Variants in ADCY1 observed in about 807,000 individuals in gnomAD.
The protein encoded by ADCY1 is adenylate cyclase type 1.
A neutral mutation model predicts 105.4 loss-of-function variants in ADCY1; 28 were observed. The observed-to-expected ratio is 0.27, with a 90% CI of 0.20 to 0.36. The LOEUF (loss-of-function observed/expected upper bound fraction) is 0.36. ADCY1 is among the 10% of genes least tolerant of loss of function. The pLI is 1.00. For synonymous variants in ADCY1, 655 were observed against 623.8 expected (o/e 1.05, Z -0.75); for missense variants, 977 against 1,434.2 (o/e 0.68, Z 5.15).
In ADCY1 at chr7:45,721,473, CCTCT is replaced by C; in HGVS notation, c.*7481_*7484del. The C allele has an allele frequency of 2.5e-6, 1 of 392,604 alleles. No homozygotes were observed. The highest frequency in any genetic ancestry group is 4.5e-6 in the Non-Finnish European group (1 of 222,896). 24.3% of individuals were successfully genotyped at this position (392,604 alleles called of 1,614,324 possible). The stretch of plus-strand genomic sequence containing the variant: ...GCTGTTGCCTTATTTTTTTGTAAAG[CCTCT>C]CTGACATCAAATGGGGAGAAATGGT... On this transcript the variant is annotated 3_prime_UTR_variant, in exon 20 of 20. Transcript: ENST00000297323.
chr7:45,585,847 T>A (rs1225063811), intron 1 of ADCY1, among the ~76,000 whole-genome samples: 1 of 151,868 alleles, frequency 6.6e-6, no homozygotes, highest in Non-Finnish European at 1.5e-5. Flanking sequence ...TGACTCCTTT[T>A]GGCTGGTGTC....
chr7:45,618,155 G>A (rs899600844), intron 3 of ADCY1, among the ~76,000 whole-genome samples: 4 of 152,214 alleles, frequency 2.6e-5, no homozygotes, highest in Non-Finnish European at 5.9e-5. Context: ...AATAAATGGT[G>A]CTGGGAAAAC....
chr7:45,574,797 G>C lies in ADCY1; in HGVS notation c.254G>C (p.Gly85Ala), dbSNP rs907656427. Residue 85 changes from glycine (G) to alanine (A), a missense_variant, in exon 1 of 20, where the codon GGG becomes GCG. Physicochemically the swap from Gly to Ala is moderately conservative, Grantham distance 60. This residue lies in a region of ADCY1 where 209 missense variants were observed against 222.5 expected (regional missense o/e 0.94). Transcript: ENST00000297323. The surrounding 1 kb of genome is among the most constrained non-coding windows in gnomAD (Gnocchi z 7.0). The stretch of plus-strand genomic sequence containing the variant: ...CTGGCCGAGCTGCTGGGCGCGCCGG[G>C]GCCCGCGCCCGGCCTGGCCAAGGGC... Reference protein sequence around the residue: ...LALAELLGAPGPAPGLAKGSH... With the variant: ...LALAELLGAPAPAPGLAKGSH... The C allele has an allele frequency of 6.4e-7, 1 of 1,564,362 alleles. No individual in the cohort carries two copies. The highest frequency in any genetic ancestry group is 1.2e-5 in the South Asian group (1 of 85,772).
At chr7:45,580,393 G>A (rs1027126770) in intron 1 of ADCY1, among the ~76,000 whole-genome samples, 5 of 152,184 alleles carry the variant, frequency 3.3e-5, no homozygotes, top group Non-Finnish European at 7.4e-5. Context: ...TGCAGCTGCC[G>A]GGGCCTCCCT....
chr7:45,659,911 G>A, intron 6 of ADCY1, 131 bp from the exon 7 acceptor site: 1 of 1,153,878 alleles, frequency 8.7e-7, no homozygotes, highest in South Asian at 1.5e-5. Flanking sequence ...ATGGGAGCAT[G>A]AATACTCCCC....
intron 1 of ADCY1, among the ~76,000 whole-genome samples, chr7:45,582,057 A>G (rs1026258235): frequency 2.6e-5 from 4 of 152,108 alleles, no homozygotes; most frequent in African/African-American, 7.2e-5. Flanking sequence ...ACTAGCTCAC[A>G]CACTCACACA....
intron 2 of ADCY1, among the ~76,000 whole-genome samples, chr7:45,603,813 A>C (rs560724400): frequency 6.6e-6 from 1 of 152,326 alleles, no homozygotes; most frequent in African/African-American, 2.4e-5. Flanking sequence ...TACTGTAGAC[A>C]TTTGGGATTG....
chr7:45,605,191 T>G (rs1362646755), intron 2 of ADCY1, among the ~76,000 whole-genome samples: 1 of 152,222 alleles, frequency 6.6e-6, no homozygotes, highest in African/African-American at 2.4e-5. Flanking sequence ...CTTCTGAACT[T>G]AATTATTTGT....
At chr7:45,693,118 C>T (rs538449898) in intron 14 of ADCY1, among the ~76,000 whole-genome samples, 1 of 152,196 alleles carries the variant, frequency 6.6e-6, no homozygotes, top group South Asian at 2.1e-4. Context: ...GATAGAATCG[C>T]TGGACAGAAA....
chr7:45,583,625 C>A (rs757783210), intron 1 of ADCY1, among the ~76,000 whole-genome samples: 5 of 152,048 alleles, frequency 3.3e-5, no homozygotes, highest in Non-Finnish European at 2.9e-5. Flanking sequence ...GGTGCTTGGC[C>A]ACCTGGTGTT....
chr7:45,684,888 TC>T (rs1473751104), intron 11 of ADCY1, 90 bp from the exon 12 acceptor site: 2 of 1,163,236 alleles, frequency 1.7e-6, no homozygotes, highest in African/African-American at 3.0e-5. Flanking sequence ...TTGCAGGTCA[TC>T]TGCACATTCC....
At chr7:45,602,780 TAG>T (rs1223074869) in intron 2 of ADCY1, among the ~76,000 whole-genome samples, 8 of 152,238 alleles carry the variant, frequency 5.3e-5, no homozygotes, top group African/African-American at 1.9e-4. Context: ...CTTTTTCCTA[TAG>T]AGTTATTATT....
chr7:45,677,368 G>A (rs1280726283), intron 8 of ADCY1, among the ~76,000 whole-genome samples: 2 of 152,084 alleles, frequency 1.3e-5, no homozygotes, highest in South Asian at 2.1e-4. Context: ...GTGCTTTCTC[G>A]TATCCCTCAT....
At chr7:45,687,232 C>T (rs1784701201) in intron 14 of ADCY1, among the ~76,000 whole-genome samples, 1 of 152,240 alleles carries the variant, frequency 6.6e-6, no homozygotes, top group South Asian at 2.1e-4. Flanking sequence ...TGGCTTCAGG[C>T]CCCAAACATC....
chr7:45,622,615 A>T lies in ADCY1; in HGVS notation c.909-17A>T. The stretch of plus-strand genomic sequence containing the variant: ...GTGACTGGGAGAAGGGCAGCCTGGC[A>T]CCCCTTTCTCTTGCAGCATCCTGTT... On this transcript the variant is annotated splice_polypyrimidine_tract_variant and intron_variant, in intron 3 of 19. Coordinates refer to ENST00000297323, the MANE Select transcript of ADCY1 (RefSeq NM_021116.4). 4 of 1,593,664 alleles carry T rather than the reference A, an allele frequency of 2.5e-6. No homozygotes were observed. The highest frequency in any genetic ancestry group is 3.4e-6 in the Non-Finnish European group (4 of 1,162,012).
chr7:45,611,162 G>A (rs553321509), intron 3 of ADCY1, among the ~76,000 whole-genome samples: 1 of 151,332 alleles, frequency 6.6e-6, no homozygotes, highest in Non-Finnish European at 1.5e-5. Context: ...AGAGGTGATG[G>A]AGGAGGTGAG....
chr7:45,708,361 C>T lies in ADCY1; in HGVS notation c.2829C>T (p.Ser943=), dbSNP rs1305679243. 6.2e-7 allele frequency: 1 copy of T among 1,613,984 alleles called. No homozygotes were observed. The highest frequency in any genetic ancestry group is 8.5e-7 in the Non-Finnish European group (1 of 1,179,832). The change falls in exon 18 of 20, where the codon TCC becomes TCT. Residue 943 remains serine (S), a synonymous_variant. Coordinates refer to ENST00000297323, the MANE Select transcript of ADCY1 (RefSeq NM_021116.4). This position sits in a 1 kb window ranked among gnomAD's most constrained non-coding sequence, Gnocchi z 4.7. ...CTGTTTACACCTAGGCTAAGAAGTC[C>T]ATCTCCTCCCACCTGAGCACGCTGG... ...APTSGTKAKK[S]ISSHLSTLAD...
chr7:45,710,775 G>T lies in ADCY1; in HGVS notation c.3057+123G>T, dbSNP rs149886161. ...CGTAAGTGGCAGGGCAGAAAGAGCTGCATATTTCGGTCTGTCTGCTCTGGA... is the reference window on the plus strand; with the variant it reads ...CGTAAGTGGCAGGGCAGAAAGAGCTTCATATTTCGGTCTGTCTGCTCTGGA... On this transcript the variant is annotated intron_variant, in intron 19 of 19. Coordinates refer to ENST00000297323, the MANE Select transcript of ADCY1 (RefSeq NM_021116.4). The surrounding 1 kb of genome is among the most constrained non-coding windows in gnomAD (Gnocchi z 4.7). The T allele has an allele frequency of 2.0e-4, 270 of 1,324,856 alleles. 1 individual carries two copies. The African/African-American group carries it at 2.8e-3, about 14-fold the overall frequency. The allele number at this position is 1,324,856 out of a possible 1,614,324, so 82.1% of individuals were successfully genotyped here. A position where few individuals can be genotyped will look rare whatever the true frequency, so the allele number is the denominator to read the frequency against.
intron 4 of ADCY1, among the ~76,000 whole-genome samples, chr7:45,630,770 C>T (rs1055630036): frequency 3.9e-5 from 6 of 152,016 alleles, no homozygotes. Context: ...AGATGGTTTC[C>T]CTATTTTAAG....
Sources: allele counts gnomAD v4.1 joint callset (sites outside exome capture counted in the v4.1 genomes callset), GRCh38; gene constraint gnomAD v4.1.1; regional missense constraint gnomAD v4.1.1; non-coding constraint Gnocchi (gnomAD v3.1); transcripts MANE v1.5; gene names NCBI Gene and HGNC (gene_info 2026-07-23, HGNC 2026-07-21).